The following ARIH1 variants were observed in gnomAD, a reference collection of about 807,000 sequenced individuals.
ARIH1 encodes ariadne RBR E3 ubiquitin protein ligase 1, also known as E3 ubiquitin-protein ligase ARIH1.
A neutral mutation model predicts 85.0 loss-of-function variants in ARIH1; 8 were observed. The observed-to-expected ratio is 0.09, with a 90% CI of 0.06 to 0.17. The LOEUF is 0.17. Among genes scored for constraint, ARIH1 ranks in the 10% least tolerant of loss-of-function variants. The probability of loss-of-function intolerance (pLI) is 1.00; values close to 1 mark genes in which losing one functional copy is unlikely to be tolerated. For synonymous variants in ARIH1, 238 were observed against 253.6 expected, an observed-to-expected ratio of 0.94 and a Z score of 0.59; for missense variants, 311 against 718.1, an observed-to-expected ratio of 0.43 and a Z score of 6.48.
chr15:72,549,493 C>T (rs1218986626), intron 3 of ARIH1, among the ~76,000 whole-genome samples: 2 of 152,114 alleles, frequency 1.3e-5, no homozygotes, highest in Non-Finnish European at 2.9e-5. Flanking sequence ...TCCACCATCC[C>T]GTCCCCCATT....
chr15:72,561,045 T>C (rs1324794095), intron 5 of ARIH1, among the ~76,000 whole-genome samples: 1 of 152,142 alleles, frequency 6.6e-6, no homozygotes, highest in Non-Finnish European at 1.5e-5. Context: ...AAAACCTGGA[T>C]CCATTTCTTA....
intron 1 of ARIH1, among the ~76,000 whole-genome samples, chr15:72,517,771 A>AT (rs200081464): frequency 0.018 from 2,748 of 148,738 alleles, 32 homozygotes; most frequent in South Asian, 0.028. Context: ...TGCTGAAATT[A>AT]TTTTTTTTTT....
chr15:72,555,387 A>G (rs2064170669), intron 4 of ARIH1, 24 bp downstream of exon 4: 1 of 1,571,022 alleles, frequency 6.4e-7, no homozygotes, highest in Non-Finnish European at 8.8e-7. Context: ...GTTGTTTTTC[A>G]GTTTTTGTTG....
intron 3 of ARIH1, among the ~76,000 whole-genome samples, chr15:72,552,299 G>GT (rs982629087): frequency 7.2e-5 from 11 of 152,242 alleles, no homozygotes; most frequent in Middle Eastern, 3.4e-3. Context: ...ATTTATTTTT[G>GT]TTTTTTTAAG....
chr15:72,508,951 C>T (rs1219149183), intron 1 of ARIH1, among the ~76,000 whole-genome samples: 1 of 151,768 alleles, frequency 6.6e-6, no homozygotes, highest in Non-Finnish European at 1.5e-5. Context: ...GCCTTAGCTT[C>T]CCAAAGTGCT....
intron 2 of ARIH1, among the ~76,000 whole-genome samples, chr15:72,535,806 G>A (rs953196490): frequency 6.6e-6 from 1 of 151,684 alleles, no homozygotes; most frequent in Non-Finnish European, 1.5e-5. Flanking sequence ...GGAAAGAGGT[G>A]GACAAAAAAA....
chr15:72,505,861 G>C (rs777654587), intron 1 of ARIH1, among the ~76,000 whole-genome samples: 2 of 152,012 alleles, frequency 1.3e-5, no homozygotes, highest in Non-Finnish European at 2.9e-5. Flanking sequence ...TCAGCCTCCC[G>C]AGGAGCTGGG....
Position 72,587,310 on chromosome 15 carries a change from A to ATGT in ARIH1, c.*4019_*4020insGTT, listed in dbSNP as rs1472412360. 3.0e-6 allele frequency: 1 copy of ATGT among 329,462 alleles called. No individual in the cohort carries two copies. The highest frequency in any genetic ancestry group is 6.2e-6 in the Non-Finnish European group (1 of 161,020). 20.4% of individuals were successfully genotyped at this position (329,462 alleles called of 1,614,324 possible). ...GTACCAGGGAAGGTAGTTCTTAACT[A>ATGT]TATTGTACTTTTAAACCACATTAAA... On this transcript the variant is annotated 3_prime_UTR_variant, in exon 14 of 14. Coordinates refer to ENST00000379887, the MANE Select transcript of ARIH1 (RefSeq NM_005744.5).
Position 72,589,245 on chromosome 15 carries a change from AGG to A in ARIH1, c.*5955_*5956del, listed in dbSNP as rs1223772039. On this transcript the variant is annotated 3_prime_UTR_variant, in exon 14 of 14. Coordinates refer to ENST00000379887, the MANE Select transcript of ARIH1 (RefSeq NM_005744.5). ...AAAAGTTACACATTGAGTGTATAACAGGGCCATGCTTGTCTGATTCCATATGT... is the reference window on the plus strand; with the variant it reads ...AAAAGTTACACATTGAGTGTATAACAGCCATGCTTGTCTGATTCCATATGT... 1 of 152,220 alleles carries A rather than the reference AGG, an allele frequency of 6.6e-6. No homozygotes were observed. Among genetic ancestry groups the A allele is most frequent in the Non-Finnish European group, 1.5e-5 (1 of 68,046 alleles). 9.4% of individuals were successfully genotyped at this position (152,220 alleles called of 1,614,324 possible).
At position 72,588,766 on chromosome 15, in the gene ARIH1, CTAAA is replaced by C. The variant is rs2064328615; in HGVS notation, c.*5475_*5478del. 1 of 152,034 alleles carries C rather than the reference CTAAA, an allele frequency of 6.6e-6. No individual in the cohort carries two copies. Among genetic ancestry groups the C allele is most frequent in the African/African-American group, 2.4e-5 (1 of 41,386 alleles). The allele number at this position is 152,034 out of a possible 1,614,324, so 9.4% of individuals were successfully genotyped here. On this transcript the variant is annotated 3_prime_UTR_variant, in exon 14 of 14. Transcript: ENST00000379887. ...GTCCACCTTGGAGAAAATCACAAAA[CTAAA>C]AGTCTTACCAAGAAGTAGAACTGAC...
chr15:72,570,878 C>T lies in ARIH1; in HGVS notation c.1157+571C>T, dbSNP rs192736151. On this transcript the variant is annotated intron_variant, in intron 10 of 13. Coordinates refer to ENST00000379887, the MANE Select transcript of ARIH1 (RefSeq NM_005744.5). ...GCACGGTGGCTCACACCTGTAATCC[C>T]GGCAATTTGGGAGGCCGAGGTGGGT... Among the ~76,000 whole-genome samples, 74 of 152,212 alleles carry T rather than the reference C, an allele frequency of 4.9e-4. No homozygotes were observed. The East Asian group carries it at 9.5e-3, about 19-fold the overall frequency.
chr15:72,548,658 A>G (rs536298706), intron 3 of ARIH1, among the ~76,000 whole-genome samples: 1 of 152,196 alleles, frequency 6.6e-6, no homozygotes, highest in African/African-American at 2.4e-5. Flanking sequence ...ACTCATATAG[A>G]AGGATAATTT....
chr15:72,489,519 T>A (rs905313041), intron 1 of ARIH1, among the ~76,000 whole-genome samples: 12 of 152,158 alleles, frequency 7.9e-5, no homozygotes, highest in Non-Finnish European at 1.6e-4. Context: ...TTTCACTTAA[T>A]CCTAAATGAA....
Position 72,597,751 on chromosome 15 carries a change from G to T in ARIH1, c.*14459G>T, listed in dbSNP as rs749780282. 6.6e-5 allele frequency: 10 copies of T among 152,158 alleles called. No homozygotes were observed. The highest frequency in any genetic ancestry group is 1.0e-4 in the Non-Finnish European group (7 of 68,056). The allele number at this position is 152,158 out of a possible 1,614,324, so 9.4% of individuals were successfully genotyped here. A position where few individuals can be genotyped will look rare whatever the true frequency, so the allele number is the denominator to read the frequency against. On this transcript the variant is annotated 3_prime_UTR_variant, in exon 14 of 14. Coordinates refer to ENST00000379887, the MANE Select transcript of ARIH1 (RefSeq NM_005744.5). ...GATTGGTGGGAAGCCTTCCTCTGTG[G>T]ATTTGGGTCATCTAGGTTCTAATGT...
chr15:72,530,370 GT>G (rs1427127627), intron 2 of ARIH1, among the ~76,000 whole-genome samples: 1 of 152,180 alleles, frequency 6.6e-6, no homozygotes, highest in African/African-American at 2.4e-5. Flanking sequence ...TTAGCTGTGA[GT>G]TTTGTTTGCC....
chr15:72,569,907 A>G (rs1168614137), intron 9 of ARIH1, among the ~76,000 whole-genome samples: 1 of 152,158 alleles, frequency 6.6e-6, no homozygotes, highest in East Asian at 1.9e-4. Context: ...CCACTGCACT[A>G]CAGCCTAGGC....
At chr15:72,492,708 T>C (rs1165853052) in intron 1 of ARIH1, among the ~76,000 whole-genome samples, 1 of 152,200 alleles carries the variant, frequency 6.6e-6, no homozygotes, top group African/African-American at 2.4e-5. Context: ...TAATCATCTC[T>C]AATTGTATTG....
At chr15:72,552,921 C>CCACCTGTACTA (rs1464794315) in intron 3 of ARIH1, among the ~76,000 whole-genome samples, 1 of 151,846 alleles carries the variant, frequency 6.6e-6, no homozygotes, top group Non-Finnish European at 1.5e-5. Flanking sequence ...ACTACAGGTG[C>CCACCTGTACTA]CTGCCACCAC....
At chr15:72,580,230 C>CTGGA (rs1167700461) in intron 11 of ARIH1, among the ~76,000 whole-genome samples, 1 of 152,146 alleles carries the variant, frequency 6.6e-6, no homozygotes, top group Non-Finnish European at 1.5e-5. Context: ...GTGTAATGTC[C>CTGGA]TCCAGGTTCA....
Sources: gnomAD v4.1 joint callset for allele counts (sites outside exome capture counted in the v4.1 genomes callset) on GRCh38, gnomAD v4.1.1 for gene constraint, MANE v1.5 for transcripts, NCBI Gene and HGNC (gene_info 2026-07-23, HGNC 2026-07-21) for gene names.